PATJ: variants seen among roughly 807,000 people sequenced by gnomAD.
The protein encoded by PATJ is PATJ crumbs cell polarity complex component.
PATJ carries 190 observed loss-of-function variants against 224.9 expected under a neutral mutation model. The ratio of observed to expected loss-of-function variants is 0.84; its 90% CI spans 0.75 to 0.95. The LOEUF is 0.95. Ranked by LOEUF, PATJ falls within the 40% of genes least tolerant of loss-of-function variation. PATJ has a pLI of 0.00. For missense variants in PATJ, 2,121 were observed against 2,270.3 expected (o/e 0.93, Z 1.34); for synonymous variants, 769 against 820.3 (o/e 0.94, Z 1.07).
intron 33 of PATJ, among the ~76,000 whole-genome samples, chr1:62,085,216 C>T (rs577419156): frequency 6.6e-6 from 1 of 152,124 alleles, no homozygotes; most frequent in South Asian, 2.1e-4. Context: ...GAGCTGAGAT[C>T]GTGCTACTGC....
intron 6 of PATJ, among the ~76,000 whole-genome samples, chr1:61,774,188 G>T (rs1646791396): frequency 6.6e-6 from 1 of 151,868 alleles, no homozygotes; most frequent in East Asian, 1.9e-4. Flanking sequence ...CTATTTGGGA[G>T]GCTGAGGCTG....
At chr1:61,796,161 A>G (rs1230045707) in intron 10 of PATJ, among the ~76,000 whole-genome samples, 5 of 152,214 alleles carry the variant, frequency 3.3e-5, no homozygotes, top group Non-Finnish European at 7.3e-5. Context: ...TGTCCTTCAA[A>G]TCTATCTAAG....
At chr1:62,091,749 T>A (rs1375340807) in intron 33 of PATJ, among the ~76,000 whole-genome samples, 2 of 151,748 alleles carry the variant, frequency 1.3e-5, no homozygotes, top group Non-Finnish European at 2.9e-5. Flanking sequence ...AGACCCCATC[T>A]CTTATTTTAA....
At chr1:62,098,778 T>C (rs1661733589) in intron 33 of PATJ, among the ~76,000 whole-genome samples, 1 of 152,164 alleles carries the variant, frequency 6.6e-6, no homozygotes. Flanking sequence ...ACATTCTAGT[T>C]GAATATAATA....
chr1:62,138,458 C>T (rs1464535383), intron 41 of PATJ, among the ~76,000 whole-genome samples: 1 of 152,112 alleles, frequency 6.6e-6, no homozygotes, highest in Non-Finnish European at 1.5e-5. Flanking sequence ...CAGGTGTGTG[C>T]CACCATGCCC....
rs199981703 is a variant in PATJ, at chr1:62,108,521, G to A, written c.4461+1G>A. On this transcript the variant is annotated splice_donor_variant, in intron 34 of 43. Transcript: ENST00000642238. LOFTEE classifies it high-confidence loss of function. ...TTGGGCTGGTGACCAGATATTAGAG[G>A]TATATGGTTTTGAATTTTATTTTAT... 8.1e-5 allele frequency: 129 copies of A among 1,590,122 alleles called. No individual in the cohort carries two copies. In the East Asian group the frequency reaches 2.1e-3, roughly 26 times the overall value.
At chr1:62,032,313 C>G (rs894190866) in intron 29 of PATJ, among the ~76,000 whole-genome samples, 2 of 152,056 alleles carry the variant, frequency 1.3e-5, no homozygotes, top group African/African-American at 4.8e-5. Context: ...TCTCTGACTT[C>G]CTAGGCATTC....
chr1:61,746,162 G>A (rs1212231821), intron 1 of PATJ, among the ~76,000 whole-genome samples: 2 of 151,882 alleles, frequency 1.3e-5, no homozygotes, highest in African/African-American at 4.8e-5. Flanking sequence ...GGCTGGTCTC[G>A]GACTCCTGAC....
chr1:62,022,125 TATTA>T (rs888488381), intron 29 of PATJ, among the ~76,000 whole-genome samples: 22 of 152,326 alleles, frequency 1.4e-4, no homozygotes, highest in African/African-American at 5.1e-4. Flanking sequence ...CACAGAAAGC[TATTA>T]AAATATGCTG....
At chr1:62,127,832 A>C (rs186458131) in intron 39 of PATJ, 140 bp from the exon 40 acceptor site, 2 of 740,498 alleles carry the variant, frequency 2.7e-6, no homozygotes, top group Non-Finnish European at 4.3e-6. Context: ...GTCTACTCCA[A>C]AGGTTCCACA....
chr1:62,146,604 C>T (rs1387390336), intron 41 of PATJ, among the ~76,000 whole-genome samples: 4 of 151,864 alleles, frequency 2.6e-5, no homozygotes, highest in African/African-American at 2.4e-5. Flanking sequence ...GGAGAAACCC[C>T]GTCTCTACTA....
intron 33 of PATJ, among the ~76,000 whole-genome samples, chr1:62,089,525 C>T (rs1369596259): frequency 1.3e-5 from 2 of 152,062 alleles, no homozygotes. Context: ...ATTTCCTAAC[C>T]TCAGGTACCT....
chr1:61,914,596 A>G lies in PATJ; in HGVS notation c.3502A>G (p.Asn1168Asp). 6.5e-7 allele frequency: 1 copy of G among 1,528,410 alleles called. No homozygotes were observed. 94.7% of individuals were successfully genotyped at this position (1,528,410 alleles called of 1,614,324 possible). Reference sequence around the variant, plus strand: ...TTTTTTGTCACCATAGGTCATTCCTAACGTACATAACAAGGCCAACAAAAT... The same window carrying G: ...TTTTTTGTCACCATAGGTCATTCCTGACGTACATAACAAGGCCAACAAAAT... ...SLSSTPRVIP[N>D]VHNKANKITG... is the part of the protein sequence containing the mutation. Residue 1168 changes from asparagine (N) to aspartate (D), a missense_variant, in exon 26 of 44, where the codon AAC becomes GAC. Coordinates refer to ENST00000642238, the MANE Select transcript of PATJ (RefSeq NM_001350145.3).
At chr1:62,156,492 T>C (rs1669234398) in intron 43 of PATJ, among the ~76,000 whole-genome samples, 2 of 151,910 alleles carry the variant, frequency 1.3e-5, no homozygotes, top group South Asian at 4.2e-4. Flanking sequence ...ATCACACCAC[T>C]GTACTCCAGC....
intron 26 of PATJ, among the ~76,000 whole-genome samples, chr1:61,919,791 A>G (rs1217541412): frequency 6.6e-6 from 1 of 152,130 alleles, no homozygotes; most frequent in Non-Finnish European, 1.5e-5. Context: ...ATTTTTTAAA[A>G]TCTTTTTGTT....
chr1:62,108,365 G>A, intron 33 of PATJ, 72 bp from the exon 34 acceptor site: 2 of 732,944 alleles, frequency 2.7e-6, no homozygotes, highest in Middle Eastern at 6.1e-4. Context: ...ATTATGGGTT[G>A]CTGCCTATTG....
intron 29 of PATJ, among the ~76,000 whole-genome samples, chr1:62,025,786 G>T (rs930628036): frequency 6.6e-6 from 1 of 152,204 alleles, no homozygotes; most frequent in Non-Finnish European, 1.5e-5. Context: ...TAGTGCCACT[G>T]CACTCCACCC....
rs1648875043 is a variant in PATJ at position 61,787,788 on chromosome 1, A to C, written c.884A>C (p.Lys295Thr). ...GRLQTGDHIL[K>T]IGGTNVQGMT... is the part of the protein sequence containing the mutation. Reference sequence around the variant, plus strand: ...CTCCAGACAGGGGACCACATCTTGAAGATTGGTGGCACAAACGTGCAGGGA... The same window carrying C: ...CTCCAGACAGGGGACCACATCTTGACGATTGGTGGCACAAACGTGCAGGGA... Residue 295 changes from lysine (K) to threonine (T), a missense_variant, in exon 8 of 44, where the codon AAG becomes ACG. Lys to Thr is a moderately conservative substitution (Grantham distance 78, BLOSUM62 -1). Transcript: ENST00000642238. The C allele has an allele frequency of 6.2e-7, 1 of 1,613,978 alleles. No individual in the cohort carries two copies. The highest frequency in any genetic ancestry group is 1.3e-5 in the African/African-American group (1 of 74,922).
At chr1:62,113,826 C>T (rs943637461) in intron 34 of PATJ, among the ~76,000 whole-genome samples, 1 of 152,172 alleles carries the variant, frequency 6.6e-6, no homozygotes, top group African/African-American at 2.4e-5. Flanking sequence ...TGTAAAATTG[C>T]ATTATCATGT....
Sources: allele counts gnomAD v4.1 joint callset (sites outside exome capture counted in the v4.1 genomes callset), GRCh38; gene constraint gnomAD v4.1.1; transcripts MANE v1.5; gene names NCBI Gene and HGNC (gene_info 2026-07-23, HGNC 2026-07-21).